COP1: variants seen among roughly 807,000 people sequenced by gnomAD.
COP1 encodes COP1 E3 ubiquitin ligase, also known as E3 ubiquitin-protein ligase COP1.
Under a neutral mutation model 101.3 loss-of-function variants are expected in COP1, and 24 were observed. The ratio of observed to expected loss-of-function variants is 0.24; its 90% CI spans 0.17 to 0.33. The LOEUF (loss-of-function observed/expected upper bound fraction) is 0.33, where lower values mean the gene tolerates loss of function less well. COP1 is among the 10% of genes least tolerant of loss of function. COP1 has a pLI of 1.00. For synonymous variants in COP1, 347 were observed against 341.9 expected (o/e 1.01, Z -0.17); for missense variants, 663 against 906.2 (o/e 0.73, Z 3.45).
intron 6 of COP1, among the ~76,000 whole-genome samples, chr1:176,140,110 C>G (rs1320354817): frequency 6.6e-6 from 1 of 152,050 alleles, no homozygotes; most frequent in African/African-American, 2.4e-5. Flanking sequence ...CCTGAAATCT[C>G]AAAATATTAA....
Position 176,032,793 on chromosome 1 carries a change from T to G in COP1, c.1613-5105A>C, listed in dbSNP as rs577147554. Among the ~76,000 whole-genome samples the G allele has an allele frequency of 1.3e-4, 19 of 151,796 alleles. No individual in the cohort carries two copies. In the East Asian group the frequency reaches 3.7e-3, roughly 30 times the overall value. The stretch of plus-strand genomic sequence containing the variant: ...TAAATGAAGCCTGGAACAAGGTAGG[T>G]GAAGGGGAACTACACAAGCATAAGA... On this transcript the variant is annotated intron_variant, in intron 14 of 19. Transcript: ENST00000367669.
At chr1:176,008,509 T>C (rs1425712596) in intron 15 of COP1, among the ~76,000 whole-genome samples, 1 of 152,262 alleles carries the variant, frequency 6.6e-6, no homozygotes, top group Non-Finnish European at 1.5e-5. Flanking sequence ...AGTATATTTG[T>C]CATATTTTCC....
At chr1:176,187,578 A>G (rs1275746314) in intron 1 of COP1, among the ~76,000 whole-genome samples, 2 of 152,064 alleles carry the variant, frequency 1.3e-5, no homozygotes, top group African/African-American at 4.8e-5. Context: ...TCACAGTTCT[A>G]CCCCACAGCT....
At chr1:176,124,976 G>A (rs778154887) in intron 8 of COP1, among the ~76,000 whole-genome samples, 119 of 152,272 alleles carry the variant, frequency 7.8e-4, no homozygotes, top group Middle Eastern at 3.4e-3. Flanking sequence ...GAGGTGAGAT[G>A]ATATTTCATT....
chr1:176,014,104 C>A (rs1473557454), intron 15 of COP1, among the ~76,000 whole-genome samples: 1 of 152,126 alleles, frequency 6.6e-6, no homozygotes, highest in African/African-American at 2.4e-5. Flanking sequence ...GCACAATGAA[C>A]TTTCATTTGC....
At chr1:176,123,724 A>AC (rs890949061) in intron 8 of COP1, among the ~76,000 whole-genome samples, 10 of 152,278 alleles carry the variant, frequency 6.6e-5, no homozygotes, top group African/African-American at 2.2e-4. Context: ...AAAAATCTTT[A>AC]CCCCCACCCT....
intron 4 of COP1, 89 bp from the exon 5 acceptor site, chr1:176,163,077 T>C (rs1694579952): frequency 7.6e-7 from 1 of 1,309,044 alleles, no homozygotes; most frequent in Non-Finnish European, 1.0e-6. Context: ...CTTCCTAATA[T>C]GCTCATTACA....
chr1:176,101,911 C>T (rs1429280099), intron 9 of COP1, among the ~76,000 whole-genome samples: 1 of 152,136 alleles, frequency 6.6e-6, no homozygotes, highest in Non-Finnish European at 1.5e-5. Flanking sequence ...AATCTTCCTC[C>T]TTATCCTTAT....
chr1:176,198,050 T>C (rs905775610), intron 1 of COP1, among the ~76,000 whole-genome samples: 1 of 152,134 alleles, frequency 6.6e-6, no homozygotes, highest in African/African-American at 2.4e-5. Context: ...ATTCAAAAGA[T>C]AATATTAAGA....
chr1:176,051,752 G>C (rs990768764), intron 11 of COP1, among the ~76,000 whole-genome samples: 1 of 152,118 alleles, frequency 6.6e-6, no homozygotes, highest in African/African-American at 2.4e-5. Context: ...GTGACCGTAT[G>C]TAGGCCTAGG....
intron 18 of COP1, among the ~76,000 whole-genome samples, chr1:175,959,668 T>A (rs1651093138): frequency 6.6e-6 from 1 of 152,140 alleles, no homozygotes; most frequent in African/African-American, 2.4e-5. Context: ...GATACCTTTC[T>A]CTTATTTAGA....
chr1:175,955,766 C>CCACACACACACACACACCCACACA (rs1650553530), intron 18 of COP1, among the ~76,000 whole-genome samples: 1 of 129,192 alleles, frequency 7.7e-6, no homozygotes, highest in Non-Finnish European at 1.6e-5. Context: ...TAGAGACAAA[C>CCACACACACACACACACCCACACA]CACACACACA....
chr1:176,049,687 T>C (rs1000561054), intron 11 of COP1, among the ~76,000 whole-genome samples: 9 of 152,114 alleles, frequency 5.9e-5, no homozygotes, highest in Admixed American at 1.3e-4. Context: ...TATTTAATCA[T>C]ATATATTCTC....
chr1:176,093,659 G>A (rs1246858371), intron 9 of COP1, among the ~76,000 whole-genome samples: 2 of 152,116 alleles, frequency 1.3e-5, no homozygotes, highest in Non-Finnish European at 2.9e-5. Context: ...CTAACACGGT[G>A]AAACCCCGTC....
chr1:176,128,316 A>C (rs1157911214), intron 8 of COP1, among the ~76,000 whole-genome samples: 1 of 152,052 alleles, frequency 6.6e-6, no homozygotes, highest in Non-Finnish European at 1.5e-5. Flanking sequence ...TATCAATTTT[A>C]ATGAGAAATT....
intron 2 of COP1, among the ~76,000 whole-genome samples, chr1:176,177,605 C>G (rs942458093): frequency 1.3e-5 from 2 of 151,958 alleles, no homozygotes; most frequent in African/African-American, 4.8e-5. Flanking sequence ...ACTGGTAACA[C>G]TCAGGAAAAA....
intron 18 of COP1, among the ~76,000 whole-genome samples, chr1:175,966,724 T>A (rs1228549945): frequency 6.6e-6 from 1 of 152,206 alleles, no homozygotes; most frequent in Admixed American, 6.5e-5. Context: ...TACATTACAT[T>A]TCAAATGTCA....
chr1:176,115,790 C>A (rs899823549), intron 9 of COP1, among the ~76,000 whole-genome samples: 3 of 151,626 alleles, frequency 2.0e-5, no homozygotes, highest in Admixed American at 2.0e-4. Context: ...TCGAAAAAAG[C>A]CTATTAGGCC....
intron 11 of COP1, among the ~76,000 whole-genome samples, chr1:176,078,618 C>CA (rs71129549): frequency 0.68 from 97,798 of 143,744 alleles, 33,972 homozygotes; most frequent in East Asian, 0.91. Flanking sequence ...AAAGCAATTG[C>CA]AAAAAAAAAA....
Sources: gnomAD v4.1 joint callset for allele counts (sites outside exome capture counted in the v4.1 genomes callset) on GRCh38, gnomAD v4.1.1 for gene constraint, MANE v1.5 for transcripts, NCBI Gene and HGNC (gene_info 2026-07-23, HGNC 2026-07-21) for gene names.